Variants in DGKB observed in about 807,000 individuals in gnomAD.
DGKB encodes the protein diacylglycerol kinase beta.
Under a neutral mutation model 114.3 loss-of-function variants are expected in DGKB, and 67 were observed. The ratio of observed to expected loss-of-function variants is 0.59; its 90% CI spans 0.48 to 0.72. The LOEUF (loss-of-function observed/expected upper bound fraction) is 0.72. Among genes scored for constraint, DGKB ranks in the 30% least tolerant of loss-of-function variants. DGKB has a pLI of 0.00. For missense variants in DGKB, 907 were observed against 975.2 expected (o/e 0.93, Z 0.93); for synonymous variants, 398 against 323.1 (o/e 1.23, Z -2.49).
Position 14,890,664 on chromosome 7 carries a change from GAAAA to G in DGKB, c.-188+11924_-188+11927del, listed in dbSNP as rs555327989. ...TATTATCCTTTAAATGAGACTCCGA[GAAAA>G]TGACATAGCACTGGGGAAAATACAC... On this transcript the variant is annotated intron_variant, in intron 1 of 25. Transcript: ENST00000402815. Among the ~76,000 whole-genome samples the G allele has an allele frequency of 5.2e-3, 788 of 151,304 alleles. 6 individuals are homozygous for G. The highest frequency in any genetic ancestry group is 8.2e-3 in the Non-Finnish European group (555 of 67,512).
chr7:14,260,059 AAAACAC>A (rs1796524707), intron 23 of DGKB, among the ~76,000 whole-genome samples: 1 of 151,634 alleles, frequency 6.6e-6, no homozygotes, highest in Non-Finnish European at 1.5e-5. Flanking sequence ...AAAACAAATT[AAAACAC>A]ATATACATCC....
chr7:14,444,200 C>G (rs1830444448), intron 21 of DGKB, among the ~76,000 whole-genome samples: 1 of 151,824 alleles, frequency 6.6e-6, no homozygotes, highest in African/African-American at 2.4e-5. Context: ...TTTATATCTA[C>G]AACTGCAACA....
intron 20 of DGKB, among the ~76,000 whole-genome samples, chr7:14,562,660 T>G (rs1796838454): frequency 6.6e-6 from 1 of 152,128 alleles, no homozygotes; most frequent in African/African-American, 2.4e-5. Context: ...GATTTTGGAC[T>G]TCCCTTTTGT....
At chr7:14,476,098 T>C (rs1782129672) in intron 21 of DGKB, among the ~76,000 whole-genome samples, 1 of 152,002 alleles carries the variant, frequency 6.6e-6, no homozygotes, top group Non-Finnish European at 1.5e-5. Flanking sequence ...TTTCGTTTTT[T>C]GCTTGAAACC....
chr7:14,455,626 T>C (rs1177417470), intron 21 of DGKB, among the ~76,000 whole-genome samples: 1 of 151,968 alleles, frequency 6.6e-6, no homozygotes, highest in Non-Finnish European at 1.5e-5. Flanking sequence ...AACCCAACCT[T>C]TCTGGCTGTG....
chr7:14,348,174 C>G (rs1262319956), intron 21 of DGKB, among the ~76,000 whole-genome samples: 1 of 151,496 alleles, frequency 6.6e-6, no homozygotes, highest in African/African-American at 2.4e-5. Context: ...CCCACTCCCT[C>G]CTTTCCTTCG....
intron 20 of DGKB, among the ~76,000 whole-genome samples, chr7:14,500,289 G>A (rs979197869): frequency 1.3e-4 from 19 of 151,660 alleles, no homozygotes; most frequent in African/African-American, 4.3e-4. Context: ...TTTGATAAAA[G>A]AACAAAGTGT....
chr7:14,852,470 G>A (rs1013000894), intron 1 of DGKB, among the ~76,000 whole-genome samples: 20 of 6,186 alleles, frequency 3.2e-3, no homozygotes, highest in African/African-American at 0.024. Context: ...AAGAGGAATA[G>A]CTAAAATAGT....
At chr7:14,236,405 C>T (rs1378580461) in intron 23 of DGKB, among the ~76,000 whole-genome samples, 2 of 151,430 alleles carry the variant, frequency 1.3e-5, no homozygotes, top group Non-Finnish European at 2.9e-5. Flanking sequence ...GTAGGATGAA[C>T]CAGAGACCCT....
intron 20 of DGKB, among the ~76,000 whole-genome samples, chr7:14,546,075 C>T (rs1425749211): frequency 6.6e-6 from 1 of 152,084 alleles, no homozygotes; most frequent in African/African-American, 2.4e-5. Context: ...TCTGGTTTTT[C>T]TTCTAATGAT....
At chr7:14,556,426 C>T (rs1340671751) in intron 20 of DGKB, among the ~76,000 whole-genome samples, 4 of 152,044 alleles carry the variant, frequency 2.6e-5, no homozygotes, top group African/African-American at 9.6e-5. Context: ...GCTGATTTCT[C>T]TACATAAACA....
At chr7:14,422,100 C>A (rs1391475787) in intron 21 of DGKB, among the ~76,000 whole-genome samples, 2 of 151,930 alleles carry the variant, frequency 1.3e-5, no homozygotes, top group Non-Finnish European at 2.9e-5. Flanking sequence ...AACTAATCTC[C>A]TTTATCAATT....
At chr7:14,689,283 G>A (rs544637822) in intron 9 of DGKB, among the ~76,000 whole-genome samples, 2 of 137,474 alleles carry the variant, frequency 1.5e-5, no homozygotes, top group African/African-American at 5.4e-5. Context: ...TCGGCTCACT[G>A]CAAGCTCCGC....
chr7:14,733,068 T>G (rs536392674), intron 5 of DGKB, among the ~76,000 whole-genome samples: 1 of 152,202 alleles, frequency 6.6e-6, no homozygotes, highest in Admixed American at 6.5e-5. Flanking sequence ...ATTTATAGCA[T>G]GCAGCAGAGA....
intron 20 of DGKB, among the ~76,000 whole-genome samples, chr7:14,540,028 TATCAC>T (rs1793163748): frequency 6.6e-6 from 1 of 152,044 alleles, no homozygotes; most frequent in African/African-American, 2.4e-5. Context: ...TTTGTGGACT[TATCAC>T]ATCATTTATT....
chr7:14,913,922 A>C, intron 1 of DGKB, among the ~76,000 whole-genome samples: 1 of 152,126 alleles, frequency 6.6e-6, no homozygotes, highest in Admixed American at 6.6e-5. Flanking sequence ...GCAAACATAG[A>C]GAATCACAGC....
intron 20 of DGKB, among the ~76,000 whole-genome samples, chr7:14,535,816 C>G (rs1488186856): frequency 6.6e-6 from 1 of 151,918 alleles, no homozygotes; most frequent in Non-Finnish European, 1.5e-5. Context: ...CGAACTCTTG[C>G]CCTCGTGATC....
intron 16 of DGKB, among the ~76,000 whole-genome samples, chr7:14,611,714 T>C (rs990246907): frequency 3.3e-5 from 5 of 151,924 alleles, no homozygotes; most frequent in Admixed American, 6.6e-5. Context: ...TATATATATG[T>C]ATATTTTTAA....
intron 23 of DGKB, among the ~76,000 whole-genome samples, chr7:14,331,828 C>T (rs1809765897): frequency 6.6e-6 from 1 of 152,096 alleles, no homozygotes; most frequent in African/African-American, 2.4e-5. Flanking sequence ...TGCTTTTCTT[C>T]ATAATTTCTG....
Sources: allele counts gnomAD v4.1 joint callset (sites outside exome capture counted in the v4.1 genomes callset), GRCh38; gene constraint gnomAD v4.1.1; transcripts MANE v1.5; gene names NCBI Gene and HGNC (gene_info 2026-07-23, HGNC 2026-07-21).